SHROOM3: variants seen among roughly 807,000 people sequenced by gnomAD.
The protein encoded by SHROOM3 is protein Shroom3.
Under a neutral mutation model 138.6 loss-of-function variants are expected in SHROOM3, and 47 were observed. The ratio of observed to expected loss-of-function variants is 0.34; its 90% CI spans 0.27 to 0.43. The LOEUF (loss-of-function observed/expected upper bound fraction) is 0.43, where lower values mean the gene tolerates loss of function less well. SHROOM3 is among the 20% of genes least tolerant of loss of function. SHROOM3 has a pLI of 1.00. For synonymous variants in SHROOM3, 1,062 were observed against 1,063.3 expected (o/e 1.00, Z 0.02); for missense variants, 2,491 against 2,596.5 (o/e 0.96, Z 0.88).
chr4:76,696,745 A>G (rs1432299270), intron 2 of SHROOM3, among the ~76,000 whole-genome samples: 1 of 152,054 alleles, frequency 6.6e-6, no homozygotes, highest in Non-Finnish European at 1.5e-5. Flanking sequence ...TGTTCCCAAT[A>G]CCATCTGTTC....
chr4:76,512,931 A>G (rs1732368409), intron 1 of SHROOM3, among the ~76,000 whole-genome samples: 1 of 152,194 alleles, frequency 6.6e-6, no homozygotes, highest in African/African-American at 2.4e-5. Flanking sequence ...TTCTTTCACA[A>G]TGTCATAAAA....
At chr4:76,618,636 A>T (rs1187972665) in intron 2 of SHROOM3, among the ~76,000 whole-genome samples, 2 of 152,226 alleles carry the variant, frequency 1.3e-5, no homozygotes, top group Non-Finnish European at 2.9e-5. Context: ...CACTGAAGAT[A>T]AGTTAGAGTA....
chr4:76,715,003 A>G (rs62303164), intron 3 of SHROOM3, among the ~76,000 whole-genome samples: 1,652 of 152,312 alleles, frequency 0.011, 8 homozygotes, highest in Non-Finnish European at 0.017. Context: ...CTTACACAAA[A>G]GACTGCAGAC....
chr4:76,511,182 C>CA (rs71659327), intron 1 of SHROOM3, among the ~76,000 whole-genome samples: 36,353 of 147,688 alleles, frequency 0.25, 5,061 homozygotes, highest in African/African-American at 0.37. Flanking sequence ...AACTCCATCT[C>CA]AAAAATAATA....
intron 2 of SHROOM3, among the ~76,000 whole-genome samples, chr4:76,605,291 G>A (rs893208902): frequency 6.6e-6 from 1 of 152,140 alleles, no homozygotes. Flanking sequence ...GCTAGGATTT[G>A]CCCGGGAAAT....
intron 4 of SHROOM3, among the ~76,000 whole-genome samples, chr4:76,737,814 G>A (rs569449505): frequency 1.4e-4 from 21 of 152,216 alleles, no homozygotes; most frequent in African/African-American, 3.9e-4. Context: ...GGATTGGCCA[G>A]TTTTTAAATC....
intron 9 of SHROOM3, among the ~76,000 whole-genome samples, chr4:76,767,724 G>A (rs2109789073): frequency 6.6e-6 from 1 of 152,102 alleles, no homozygotes; most frequent in East Asian, 1.9e-4. Flanking sequence ...AGCCACAGGA[G>A]GATTTTTAAA....
intron 4 of SHROOM3, among the ~76,000 whole-genome samples, chr4:76,736,735 C>T (rs946390671): frequency 6.6e-6 from 1 of 152,106 alleles, no homozygotes; most frequent in African/African-American, 2.4e-5. Context: ...ATGCCCTCCC[C>T]GTGTGTGTAT....
intron 3 of SHROOM3, among the ~76,000 whole-genome samples, chr4:76,720,774 G>A (rs533604373): frequency 3.3e-5 from 5 of 151,308 alleles, no homozygotes; most frequent in South Asian, 2.1e-4. Flanking sequence ...ACCACACCCC[G>A]CTAATTTTTG....
In SHROOM3 at chr4:76,754,892, C is replaced by A. The variant is rs1173291499; in HGVS notation, c.4409C>A (p.Ser1470Tyr). Residue 1470 changes from serine (S) to tyrosine (Y), a missense_variant, in exon 7 of 11, where the codon TCT (serine) becomes TAT (tyrosine). Around this residue, in one of 4 missense-constraint regions of SHROOM3, gnomAD observed 1,733 missense variants for 1,661.6 expected, o/e 1.04. Transcript: ENST00000296043. ...QQSLPSLCST[S>Y]DPDTPLGAPS... Reference sequence around the variant, plus strand: ...AGTCTTCCAAGTTTATGCAGCACTTCTGACCCAGACACACCTCTTGGGGCC... The same window carrying A: ...AGTCTTCCAAGTTTATGCAGCACTTATGACCCAGACACACCTCTTGGGGCC... 6.2e-7 allele frequency: 1 copy of A among 1,614,208 alleles called. No homozygotes were observed. The highest frequency in any genetic ancestry group is 1.1e-5 in the South Asian group (1 of 91,082).
chr4:76,509,259 T>A (rs11322465), intron 1 of SHROOM3: 8 of 78,974 alleles, frequency 1.0e-4, no homozygotes, highest in African/African-American at 5.4e-4. Flanking sequence ...TATCCCCCCC[T>A]CCGAATCCAG....
chr4:76,542,137 A>G (rs1733118438), intron 1 of SHROOM3, among the ~76,000 whole-genome samples: 1 of 152,078 alleles, frequency 6.6e-6, no homozygotes, highest in African/African-American at 2.4e-5. Context: ...TCATCACCAC[A>G]GTCTACTTTC....
intron 4 of SHROOM3, among the ~76,000 whole-genome samples, chr4:76,737,936 G>C (rs1721126369): frequency 7.2e-6 from 1 of 139,190 alleles, no homozygotes; most frequent in South Asian, 2.3e-4. Flanking sequence ...GTGATTGATA[G>C]TCTTTTTCCT....
chr4:76,750,662 A>G (rs1443203724), intron 6 of SHROOM3, among the ~76,000 whole-genome samples: 1 of 152,138 alleles, frequency 6.6e-6, no homozygotes, highest in Non-Finnish European at 1.5e-5. Flanking sequence ...TTGAACCTAA[A>G]ATAAAACTTG....
intron 2 of SHROOM3, among the ~76,000 whole-genome samples, chr4:76,577,078 C>A (rs1205451276): frequency 6.6e-6 from 1 of 152,092 alleles, no homozygotes; most frequent in African/African-American, 2.4e-5. Flanking sequence ...TTCACCAAAC[C>A]TTAATTGAAT....
chr4:76,722,767 T>C (rs1039174494), intron 3 of SHROOM3, among the ~76,000 whole-genome samples: 3 of 152,186 alleles, frequency 2.0e-5, no homozygotes, highest in African/African-American at 7.2e-5. Flanking sequence ...TAGACCTAAT[T>C]TGCAGAATAT....
At position 76,661,222 on chromosome 4, in the gene SHROOM3, A is replaced by G. The variant is rs77037330; in HGVS notation, c.324-48934A>G. On this transcript the variant is annotated intron_variant, in intron 2 of 10. Coordinates refer to ENST00000296043, the MANE Select transcript of SHROOM3 (RefSeq NM_020859.4). ...GTGTAATCCACATCCCTATCAAACT[A>G]TAATCCATTTTCTTTTTTTTTTTTC... 7.7e-3 allele frequency among the ~76,000 whole-genome samples: 1,165 copies of G among 151,524 alleles called. 14 individuals are homozygous for G. The highest frequency in any genetic ancestry group is 0.027 in the African/African-American group (1,119 of 41,184).
Position 76,754,479 on chromosome 4 carries a change from C to A in SHROOM3, c.3996C>A (p.Pro1332=). The change falls in exon 7 of 11, where the codon CCC becomes CCA. Residue 1332 remains proline (P), a synonymous_variant. Coordinates refer to ENST00000296043, the MANE Select transcript of SHROOM3 (RefSeq NM_020859.4). ...HQRQASRTPC[P]RPPLAGTQGL... ...GGCAAGCCAGTAGGACACCCTGCCCCAGGCCACCACTGGCAGGAACGCAAG... is the reference window on the plus strand; with the variant it reads ...GGCAAGCCAGTAGGACACCCTGCCCAAGGCCACCACTGGCAGGAACGCAAG... The A allele has an allele frequency of 6.2e-7, 1 of 1,614,158 alleles. No individual in the cohort carries two copies. Among genetic ancestry groups the A allele is most frequent in the Non-Finnish European group, 8.5e-7 (1 of 1,180,002 alleles).
intron 8 of SHROOM3, 89 bp from the exon 9 acceptor site, chr4:76,759,456 T>C: frequency 6.7e-7 from 1 of 1,501,182 alleles, no homozygotes; most frequent in East Asian, 2.3e-5. Context: ...ATAGAATTGT[T>C]ACGCACTTCT....
Sources: gnomAD v4.1 joint callset for allele counts (sites outside exome capture counted in the v4.1 genomes callset) on GRCh38, gnomAD v4.1.1 for gene constraint, gnomAD v4.1.1 regional missense constraint, MANE v1.5 for transcripts, NCBI Gene and HGNC (gene_info 2026-07-23, HGNC 2026-07-21) for gene names.